CPE: variants seen among roughly 807,000 people sequenced by gnomAD.
CPE encodes carbocypeptidase E.
CPE carries 17 observed loss-of-function variants against 53.5 expected under a neutral mutation model. The ratio of observed to expected loss-of-function variants is 0.32; its 90% confidence interval spans 0.22 to 0.48. CPE has a LOEUF of 0.48. Ranked by LOEUF, CPE falls within the 20% of genes least tolerant of loss-of-function variation. The probability of loss-of-function intolerance (pLI) is 0.99; values close to 1 mark genes in which losing one functional copy is unlikely to be tolerated. For synonymous variants in CPE, 226 were observed against 228.8 expected (o/e 0.99, Z 0.11); for missense variants, 524 against 614.7 (o/e 0.85, Z 1.56).
chr4:165,463,773 T>C (rs2126700096), intron 1 of CPE, among the ~76,000 whole-genome samples: 1 of 152,270 alleles, frequency 6.6e-6, no homozygotes, highest in East Asian at 1.9e-4. Context: ...CAAAGCACAG[T>C]GTTTAATAGG....
intron 1 of CPE, among the ~76,000 whole-genome samples, chr4:165,440,605 C>A (rs1008725582): frequency 1.3e-5 from 2 of 152,084 alleles, no homozygotes; most frequent in Admixed American, 1.3e-4. Flanking sequence ...TAAGTCTTAT[C>A]CACTTTGTGG....
At chr4:165,381,699 G>T (rs6843002) in intron 1 of CPE, among the ~76,000 whole-genome samples, 2 of 152,130 alleles carry the variant, frequency 1.3e-5, no homozygotes, top group Non-Finnish European at 2.9e-5. Context: ...TTTTATGAGC[G>T]TCAAGGAGGT....
intron 1 of CPE, among the ~76,000 whole-genome samples, chr4:165,460,478 G>T (rs958074886): frequency 2.0e-5 from 3 of 152,148 alleles, no homozygotes; most frequent in Non-Finnish European, 4.4e-5. Flanking sequence ...TCCCAAAGAA[G>T]AGTTTCCATT....
chr4:165,385,974 T>C (rs951194314), intron 1 of CPE, among the ~76,000 whole-genome samples: 1 of 152,172 alleles, frequency 6.6e-6, no homozygotes, highest in African/African-American at 2.4e-5. Flanking sequence ...GGGCTCTTTC[T>C]TTATGCTTCC....
intron 3 of CPE, among the ~76,000 whole-genome samples, chr4:165,479,149 A>G (rs183917340): frequency 2.0e-3 from 304 of 152,320 alleles, no homozygotes; most frequent in African/African-American, 6.9e-3. Context: ...TGTTAAACTC[A>G]TCTCATATAA....
chr4:165,407,960 C>T (rs1730978994), intron 1 of CPE, among the ~76,000 whole-genome samples: 1 of 151,904 alleles, frequency 6.6e-6, no homozygotes, highest in Non-Finnish European at 1.5e-5. Flanking sequence ...AGACAACAGG[C>T]ATGTGGCACT....
At chr4:165,389,504 T>C (rs951900012) in intron 1 of CPE, among the ~76,000 whole-genome samples, 6 of 152,194 alleles carry the variant, frequency 3.9e-5, no homozygotes, top group African/African-American at 1.4e-4. Context: ...TGGGCTAACT[T>C]TGCCTTTGCT....
chr4:165,384,903 C>T (rs1443269485), intron 1 of CPE, among the ~76,000 whole-genome samples: 1 of 152,066 alleles, frequency 6.6e-6, no homozygotes, highest in Non-Finnish European at 1.5e-5. Context: ...TGCTTAGAAT[C>T]AGAGCATGAT....
chr4:165,397,346 G>A (rs887936015), intron 1 of CPE, among the ~76,000 whole-genome samples: 2 of 152,126 alleles, frequency 1.3e-5, no homozygotes, highest in Admixed American at 6.5e-5. Context: ...GGAAACTGAG[G>A]CCCAAAGAGA....
chr4:165,487,342 T>C (rs1303705933), intron 5 of CPE, 96 bp from the exon 6 acceptor site: 1 of 1,520,832 alleles, frequency 6.6e-7, no homozygotes, highest in South Asian at 1.2e-5. Context: ...CCCTGGTTTG[T>C]GTACCTTTTA....
chr4:165,469,075 C>T (rs1340001390), intron 3 of CPE, among the ~76,000 whole-genome samples: 1 of 152,170 alleles, frequency 6.6e-6, no homozygotes, highest in Non-Finnish European at 1.5e-5. Context: ...GAAGCCAGGA[C>T]CTGGAACTTT....
intron 1 of CPE, among the ~76,000 whole-genome samples, chr4:165,435,936 T>C (rs1410965401): frequency 6.6e-6 from 1 of 152,152 alleles, no homozygotes; most frequent in Non-Finnish European, 1.5e-5. Context: ...CGGACCATGC[T>C]TTCCTTCATA....
At chr4:165,411,163 CT>C (rs1258316881) in intron 1 of CPE, among the ~76,000 whole-genome samples, 5 of 152,080 alleles carry the variant, frequency 3.3e-5, no homozygotes, top group African/African-American at 1.2e-4. Context: ...ATATTTTTTC[CT>C]TTTTTTCTCC....
chr4:165,441,568 C>T (rs1337979119), intron 1 of CPE, among the ~76,000 whole-genome samples: 1 of 152,124 alleles, frequency 6.6e-6, no homozygotes, highest in African/African-American at 2.4e-5. Context: ...TCAGGGTGGG[C>T]ATTTTCCACG....
rs146685789 is a variant in CPE at position 165,449,677 on chromosome 4, C to T, written c.308-14713C>T. On this transcript the variant is annotated intron_variant, in intron 1 of 8. Coordinates refer to ENST00000402744, the MANE Select transcript of CPE (RefSeq NM_001873.4). ...GGTTTTTGTTTATTTGTTTGGGTTT[C>T]GTGCAATTTCATGTAAAATTTTTCT... Among the ~76,000 whole-genome samples the T allele has an allele frequency of 1.9e-3, 283 of 151,940 alleles. 2 individuals are homozygous for T. The highest frequency in any genetic ancestry group is 6.3e-3 in the African/African-American group (263 of 41,460).
intron 1 of CPE, among the ~76,000 whole-genome samples, chr4:165,463,418 G>A (rs1233851821): frequency 6.6e-6 from 1 of 152,034 alleles, no homozygotes; most frequent in Non-Finnish European, 1.5e-5. Flanking sequence ...CCTTCCGTAT[G>A]GGCTAGAATC....
At chr4:165,402,375 G>T (rs1053419202) in intron 1 of CPE, among the ~76,000 whole-genome samples, 1 of 152,214 alleles carries the variant, frequency 6.6e-6, no homozygotes, top group East Asian at 1.9e-4. Context: ...GGTGTTTCTA[G>T]TGATTCTGGC....
chr4:165,403,024 C>T (rs1385148691), intron 1 of CPE, among the ~76,000 whole-genome samples: 2 of 151,682 alleles, frequency 1.3e-5, no homozygotes, highest in Non-Finnish European at 2.9e-5. Flanking sequence ...TTGAAACAAT[C>T]GAACACTGGG....
chr4:165,434,755 AAC>A (rs1731467885), intron 1 of CPE, among the ~76,000 whole-genome samples: 1 of 152,160 alleles, frequency 6.6e-6, no homozygotes, highest in Non-Finnish European at 1.5e-5. Flanking sequence ...AGTGCGTGAT[AAC>A]ACAACATCTG....
Sources: allele counts gnomAD v4.1 joint callset (sites outside exome capture counted in the v4.1 genomes callset), GRCh38; gene constraint gnomAD v4.1.1; transcripts MANE v1.5; gene names NCBI Gene and HGNC (gene_info 2026-07-23, HGNC 2026-07-21).